Variants in KLHL3 observed in about 807,000 individuals in gnomAD.
KLHL3 encodes the protein kelch like family member 3.
Under a neutral mutation model 70.5 loss-of-function variants are expected in KLHL3, and 19 were observed. The observed-to-expected ratio is 0.27, with a 90% CI of 0.19 to 0.40. The LOEUF (loss-of-function observed/expected upper bound fraction) is 0.40, where lower values mean the gene tolerates loss of function less well. KLHL3 is among the 10% of genes least tolerant of loss of function. KLHL3 has a pLI of 1.00. For missense variants in KLHL3, 512 were observed against 771.1 expected, an observed-to-expected ratio of 0.66 and a Z score of 3.98; for synonymous variants, 258 against 290.3, an observed-to-expected ratio of 0.89 and a Z score of 1.13.
chr5:137,639,094 G>A lies in KLHL3; in HGVS notation c.1078C>T (p.Arg360Trp), dbSNP rs371192415. 1.2e-6 allele frequency: 2 copies of A among 1,613,856 alleles called. No homozygotes were observed. Among genetic ancestry groups the A allele is most frequent in the East Asian group, 2.2e-5 (1 of 44,852 alleles). The change falls in exon 10 of 15, where the codon CGG (arginine) becomes TGG (tryptophan). Residue 360 changes from arginine to tryptophan, a missense_variant. By Grantham distance (101) the Arg-to-Trp change is moderately radical (BLOSUM62 -3). Transcript: ENST00000309755. The surrounding 1 kb of genome is among the most constrained non-coding windows in gnomAD (Gnocchi z 5.0). ...TCATACACATCCACTGTCCGCACCC[G>A]CAGTGAGCCATTAAACCCTCCCACG... ...YAVGGFNGSLRVRTVDVYDGV... is the reference protein window; with the variant it reads ...YAVGGFNGSLWVRTVDVYDGV...
intron 5 of KLHL3, among the ~76,000 whole-genome samples, chr5:137,685,151 C>T (rs1299324256): frequency 6.6e-6 from 1 of 152,228 alleles, no homozygotes; most frequent in Non-Finnish European, 1.5e-5. Flanking sequence ...TATCAAACAA[C>T]TTTTTAATGT....
chr5:137,648,737 A>G (rs1234572777), intron 8 of KLHL3, among the ~76,000 whole-genome samples: 1 of 152,216 alleles, frequency 6.6e-6, no homozygotes, highest in Non-Finnish European at 1.5e-5. Context: ...CAGGGAAAGG[A>G]CTTGGCTGGC....
intron 12 of KLHL3, among the ~76,000 whole-genome samples, chr5:137,630,640 G>A (rs552810392): frequency 2.0e-5 from 3 of 152,334 alleles, no homozygotes; most frequent in South Asian, 2.1e-4. Context: ...GGTTTATGAC[G>A]GGAAAAGAAT....
intron 4 of KLHL3, among the ~76,000 whole-genome samples, chr5:137,695,995 G>C (rs1752436101): frequency 6.6e-6 from 1 of 152,114 alleles, no homozygotes; most frequent in South Asian, 2.1e-4. Flanking sequence ...GCCCTGAAAT[G>C]GCCCCCAGCA....
At chr5:137,710,661 C>T (rs994807302) in intron 2 of KLHL3, among the ~76,000 whole-genome samples, 1 of 152,164 alleles carries the variant, frequency 6.6e-6, no homozygotes, top group African/African-American at 2.4e-5. Flanking sequence ...TAGGGTGCCA[C>T]AAGCTCCCAT....
At chr5:137,636,910 AAATT>A (rs1246039285) in intron 11 of KLHL3, among the ~76,000 whole-genome samples, 1 of 152,198 alleles carries the variant, frequency 6.6e-6, no homozygotes, top group Non-Finnish European at 1.5e-5. Flanking sequence ...TATGAGGACA[AAATT>A]AATTAAGCAC....
At chr5:137,712,825 C>T (rs1005903165) in intron 2 of KLHL3, among the ~76,000 whole-genome samples, 9 of 152,098 alleles carry the variant, frequency 5.9e-5, no homozygotes, top group Non-Finnish European at 1.2e-4. Context: ...AAGTACACAA[C>T]GTCCCCAGAG....
chr5:137,720,156 T>C (rs1032379329), intron 2 of KLHL3, among the ~76,000 whole-genome samples: 1 of 151,670 alleles, frequency 6.6e-6, no homozygotes, highest in Non-Finnish European at 1.5e-5. Context: ...AAAAATTAGC[T>C]GGGCGTGGTG....
chr5:137,622,054 C>A lies in KLHL3; in HGVS notation c.*44G>T. The A allele has an allele frequency of 6.2e-7, 1 of 1,610,978 alleles. No homozygotes were observed. Among genetic ancestry groups the A allele is most frequent in the Non-Finnish European group, 8.5e-7 (1 of 1,177,068 alleles). On this transcript the variant is annotated 3_prime_UTR_variant, in exon 15 of 15. Coordinates refer to ENST00000309755, the MANE Select transcript of KLHL3 (RefSeq NM_017415.3). ...AGGTCCTGCTGTTCAGAGTCACAGG[C>A]AGCACCTGCTCCTTCCTCCACCTCC...
intron 4 of KLHL3, chr5:137,692,685 C>CT: frequency 2.1e-6 from 1 of 481,350 alleles, no homozygotes; most frequent in Non-Finnish European, 3.7e-6. Flanking sequence ...TCTTTAATCC[C>CT]TGGGGATCTT....
intron 14 of KLHL3, among the ~76,000 whole-genome samples, chr5:137,623,823 G>A (rs1750383209): frequency 6.6e-6 from 1 of 152,164 alleles, no homozygotes; most frequent in Non-Finnish European, 1.5e-5. Flanking sequence ...AAGACAACAG[G>A]GGTTCAGTAT....
chr5:137,638,358 C>T (rs1323887316), intron 10 of KLHL3, among the ~76,000 whole-genome samples: 1 of 152,222 alleles, frequency 6.6e-6, no homozygotes, highest in East Asian at 1.9e-4. Flanking sequence ...AATAGAGCTA[C>T]TGTCTGCAGA....
In KLHL3 at chr5:137,644,089, G is replaced by A. The variant is rs537327103; in HGVS notation, c.904-4112C>T. Among the ~76,000 whole-genome samples the A allele has an allele frequency of 8.8e-4, 134 of 152,040 alleles. 1 individual carries two copies. In the South Asian group the frequency reaches 0.024, roughly 27 times the overall value. On this transcript the variant is annotated intron_variant, in intron 8 of 14. Coordinates refer to ENST00000309755, the MANE Select transcript of KLHL3 (RefSeq NM_017415.3). ...ACCTTTTTATTTATTTAATTTTTTAGACAGAGTCTCGCTCTGTCACCAAGG... is the reference window on the plus strand; with the variant it reads ...ACCTTTTTATTTATTTAATTTTTTAAACAGAGTCTCGCTCTGTCACCAAGG...
At chr5:137,675,232 A>G (rs952663750) in intron 6 of KLHL3, among the ~76,000 whole-genome samples, 1 of 152,238 alleles carries the variant, frequency 6.6e-6, no homozygotes, top group Non-Finnish European at 1.5e-5. Flanking sequence ...ATATGTAAGT[A>G]TATGAATTAT....
At chr5:137,670,591 C>A (rs942161769) in intron 6 of KLHL3, among the ~76,000 whole-genome samples, 1 of 151,994 alleles carries the variant, frequency 6.6e-6, no homozygotes, top group Non-Finnish European at 1.5e-5. Flanking sequence ...TCTGACAACT[C>A]CTGTAGTAAA....
intron 8 of KLHL3, among the ~76,000 whole-genome samples, chr5:137,650,409 C>G (rs1315358589): frequency 6.6e-6 from 1 of 152,224 alleles, no homozygotes; most frequent in Non-Finnish European, 1.5e-5. Context: ...TCCTCCTGGT[C>G]TGGGAGTCCC....
intron 6 of KLHL3, among the ~76,000 whole-genome samples, chr5:137,670,829 C>T (rs1159003878): frequency 6.6e-6 from 1 of 151,610 alleles, no homozygotes; most frequent in African/African-American, 2.4e-5. Context: ...AAAAAATAGC[C>T]GTAAGTGGTG....
chr5:137,672,997 T>C (rs1460871284), intron 6 of KLHL3: 2 of 152,216 alleles, frequency 1.3e-5, no homozygotes, highest in Non-Finnish European at 2.9e-5. Flanking sequence ...GTATGATAGA[T>C]GCACCTGACA....
chr5:137,664,424 C>CA (rs901441303), intron 6 of KLHL3, among the ~76,000 whole-genome samples: 9 of 149,780 alleles, frequency 6.0e-5, no homozygotes, highest in East Asian at 1.9e-4. Context: ...CTCTTATATC[C>CA]AAAAAAAAAT....
Sources: gnomAD v4.1 joint callset for allele counts (sites outside exome capture counted in the v4.1 genomes callset) on GRCh38, gnomAD v4.1.1 for gene constraint, Gnocchi (gnomAD v3.1) non-coding constraint, MANE v1.5 for transcripts, NCBI Gene and HGNC (gene_info 2026-07-23, HGNC 2026-07-21) for gene names.